The following GALNT17 variants were observed in gnomAD, a reference collection of about 807,000 sequenced individuals.
GALNT17 encodes the protein UDP-GalNAc:polypeptide N-acetylgalactosaminyltransferase-like 3.
GALNT17 carries 29 observed loss-of-function variants against 63.7 expected under a neutral mutation model. The ratio of observed to expected loss-of-function variants is 0.46; its 90% CI spans 0.34 to 0.62. The LOEUF is 0.62. Ranked by LOEUF, GALNT17 falls within the 20% of genes least tolerant of loss-of-function variation. The pLI is 0.01. For synonymous variants in GALNT17, 305 were observed against 318.3 expected (o/e 0.96, Z 0.45); for missense variants, 603 against 799.6 (o/e 0.75, Z 2.97).
At chr7:71,217,145 G>GTTTTTTTT (rs1197080765) in intron 1 of GALNT17, among the ~76,000 whole-genome samples, 8 of 122,760 alleles carry the variant, frequency 6.5e-5, no homozygotes, top group Admixed American at 8.7e-5. Flanking sequence ...TTCGTGTTTT[G>GTTTTTTTT]TTTTTTTTTT....
chr7:71,432,609 C>T (rs1786888060), intron 5 of GALNT17, among the ~76,000 whole-genome samples: 1 of 152,110 alleles, frequency 6.6e-6, no homozygotes, highest in South Asian at 2.1e-4. Context: ...CCCTTTACTA[C>T]ATAATGAAGA....
chr7:71,498,812 C>G lies in GALNT17; in HGVS notation c.963-72473C>G, dbSNP rs571534340. Among the ~76,000 whole-genome samples the G allele has an allele frequency of 3.3e-5, 5 of 152,336 alleles. No individual in the cohort carries two copies. In the South Asian group the frequency reaches 1.0e-3, roughly 32 times the overall value. On this transcript the variant is annotated intron_variant, in intron 5 of 10. Coordinates refer to ENST00000333538, the MANE Select transcript of GALNT17 (RefSeq NM_022479.3). The stretch of plus-strand genomic sequence containing the variant: ...GAATGTTCTTGCAGAAGCCAGATAA[C>G]TCCATCAAAGAGATGAATAGGGTTG...
intron 5 of GALNT17, among the ~76,000 whole-genome samples, chr7:71,525,790 A>T (rs1788615608): frequency 8.2e-6 from 1 of 121,604 alleles, no homozygotes; most frequent in East Asian, 2.5e-4. Flanking sequence ...CCCAGGCTGG[A>T]GTGCAGTGGC....
At chr7:71,394,411 A>G (rs376532355) in intron 3 of GALNT17, among the ~76,000 whole-genome samples, 7 of 152,292 alleles carry the variant, frequency 4.6e-5, no homozygotes, top group African/African-American at 1.7e-4. Context: ...GAGGGGACAA[A>G]CCATATCACT....
intron 5 of GALNT17, among the ~76,000 whole-genome samples, chr7:71,431,931 T>TC (rs1786874101): frequency 1.1e-5 from 1 of 92,074 alleles, no homozygotes; most frequent in Non-Finnish European, 2.9e-5. Context: ...TCCCAGCACT[T>TC]TGGGAGGCCA....
At chr7:71,692,067 T>C (rs1295638717) in intron 9 of GALNT17, among the ~76,000 whole-genome samples, 1 of 151,988 alleles carries the variant, frequency 6.6e-6, no homozygotes, top group Admixed American at 6.6e-5. Context: ...CACACCACCA[T>C]GCTTGGCTAA....
intron 3 of GALNT17, among the ~76,000 whole-genome samples, chr7:71,397,145 GTATT>G (rs1793152638): frequency 3.3e-5 from 5 of 151,934 alleles, no homozygotes; most frequent in Admixed American, 6.6e-5. Context: ...TTTTAAAAAT[GTATT>G]TATTAATAAA....
intron 5 of GALNT17, among the ~76,000 whole-genome samples, chr7:71,553,545 C>T (rs1789115031): frequency 6.6e-6 from 1 of 152,058 alleles, no homozygotes; most frequent in South Asian, 2.1e-4. Flanking sequence ...ATATTGAATC[C>T]TTGTTCTTTT....
chr7:71,653,341 G>T (rs1364773518), intron 6 of GALNT17, among the ~76,000 whole-genome samples: 3 of 151,914 alleles, frequency 2.0e-5, no homozygotes, highest in Non-Finnish European at 4.4e-5. Flanking sequence ...AAGGCAGAGA[G>T]GCAGAGGTTA....
intron 1 of GALNT17, among the ~76,000 whole-genome samples, chr7:71,184,810 T>TA (rs945323877): frequency 6.6e-6 from 1 of 152,160 alleles, no homozygotes; most frequent in Non-Finnish European, 1.5e-5. Flanking sequence ...AGAACAGCAC[T>TA]AAAAATAATG....
chr7:71,624,629 G>A (rs1345736765), intron 6 of GALNT17, among the ~76,000 whole-genome samples: 1 of 152,130 alleles, frequency 6.6e-6, no homozygotes, highest in African/African-American at 2.4e-5. Context: ...ACCCCAAAGA[G>A]CTTTTGTTTA....
chr7:71,143,270 A>G (rs572771990), intron 1 of GALNT17, among the ~76,000 whole-genome samples: 1 of 151,894 alleles, frequency 6.6e-6, no homozygotes, highest in African/African-American at 2.4e-5. Context: ...AAAAGTACAA[A>G]AATTAGCCGG....
chr7:71,562,758 C>T (rs1175740241), intron 5 of GALNT17, among the ~76,000 whole-genome samples: 1 of 152,176 alleles, frequency 6.6e-6, no homozygotes, highest in Non-Finnish European at 1.5e-5. Flanking sequence ...GGTGCTGGTC[C>T]ATGGCCTGGG....
chr7:71,159,791 GT>G (rs572101581), intron 1 of GALNT17, among the ~76,000 whole-genome samples: 3 of 149,824 alleles, frequency 2.0e-5, no homozygotes, highest in Non-Finnish European at 4.4e-5. Flanking sequence ...ATTATTTTGG[GT>G]TTTTTTTGAG....
chr7:71,465,862 C>T (rs1449739558), intron 5 of GALNT17, among the ~76,000 whole-genome samples: 2 of 152,132 alleles, frequency 1.3e-5, no homozygotes, highest in African/African-American at 4.8e-5. Flanking sequence ...TTTATGGTGG[C>T]GGGAGAAAGA....
At chr7:71,217,805 G>T (rs1010828485) in intron 1 of GALNT17, among the ~76,000 whole-genome samples, 13 of 152,036 alleles carry the variant, frequency 8.6e-5, no homozygotes, top group Non-Finnish European at 1.8e-4. Context: ...GCAGGTGCCT[G>T]TAGTCCCAGC....
chr7:71,630,706 C>A (rs79123988), intron 6 of GALNT17, among the ~76,000 whole-genome samples: 3,572 of 152,234 alleles, frequency 0.023, 149 homozygotes, highest in African/African-American at 0.081. Context: ...TACCAGGGCA[C>A]CTCATACTGA....
intron 9 of GALNT17, among the ~76,000 whole-genome samples, chr7:71,697,522 C>T (rs1791563175): frequency 1.3e-5 from 2 of 152,074 alleles, no homozygotes; most frequent in Non-Finnish European, 2.9e-5. Context: ...TGTCTGTTGG[C>T]TCCACACTGC....
At chr7:71,630,960 A>G (rs1790445530) in intron 6 of GALNT17, among the ~76,000 whole-genome samples, 1 of 152,348 alleles carries the variant, frequency 6.6e-6, no homozygotes, top group South Asian at 2.1e-4. Flanking sequence ...TTATTCATTC[A>G]GTTGTTCAAT....
Sources: gnomAD v4.1 joint callset for allele counts (sites outside exome capture counted in the v4.1 genomes callset) on GRCh38, gnomAD v4.1.1 for gene constraint, MANE v1.5 for transcripts, NCBI Gene and HGNC (gene_info 2026-07-23, HGNC 2026-07-21) for gene names.